Variants in SVEP1 observed in about 807,000 individuals in gnomAD.
SVEP1 encodes the protein sushi, von Willebrand factor type A, EGF and pentraxin domain-containing protein 1.
SVEP1 carries 164 observed loss-of-function variants against 367.3 expected under a neutral mutation model. That is an observed-to-expected ratio of 0.45 (90% CI 0.39 to 0.51). The LOEUF is 0.51. SVEP1 is among the 20% of genes least tolerant of loss of function. The pLI is 0.00. For missense variants in SVEP1, 4,117 were observed against 4,425.3 expected (o/e 0.93, Z 1.98); for synonymous variants, 1,666 against 1,611.6 (o/e 1.03, Z -0.81).
chr9:110,432,541 A>G lies in SVEP1; in HGVS notation c.5154T>C (p.Asn1718=), dbSNP rs1175373486. The part of the protein sequence containing the change: ...AGSTVTYQCN[N]GYYLLGDSRM... ...TTGAGTCACCCAATAGATAGTAGCCATTGTTGCACTGGTAGGTTACTGTGC... is the reference window on the plus strand; with the variant it reads ...TTGAGTCACCCAATAGATAGTAGCCGTTGTTGCACTGGTAGGTTACTGTGC... The change falls in exon 31 of 48, where the codon AAT becomes AAC. Residue 1718 remains asparagine, a synonymous_variant. Transcript: ENST00000374469. 1.9e-6 allele frequency: 3 copies of G among 1,613,894 alleles called. No individual in the cohort carries two copies. The highest frequency in any genetic ancestry group is 2.5e-6 in the Non-Finnish European group (3 of 1,179,824).
rs1830340302 is a variant in SVEP1, at chr9:110,555,159, C to CA, written c.532-5056dup. ...TACTGCTTCTTCTACAAGGTCACAG[C>CA]AGTTAACTGTAAGCAAGACATTAAA... On this transcript the variant is annotated intron_variant, in intron 1 of 47. Transcript: ENST00000374469. Among the ~76,000 whole-genome samples, 4 of 150,552 alleles carry CA rather than the reference C, an allele frequency of 2.7e-5. No homozygotes were observed. In the South Asian group the frequency reaches 8.4e-4, roughly 32 times the overall value.
Position 110,491,590 on chromosome 9 carries a change from G to GGTGTGTGTGTGTGTGT in SVEP1, c.1801-1827_1801-1812dup, listed in dbSNP as rs55905097. ...TAGCATTACATATTTTATAGAATGGGGTGTGTGTGTGTGTGTGTGTGTGTG... is the reference window on the plus strand; with the variant it reads ...TAGCATTACATATTTTATAGAATGGGGTGTGTGTGTGTGTGTGTGTGTGTGTGTGTGTGTGTGTGTG... On this transcript the variant is annotated intron_variant, in intron 8 of 47. Transcript: ENST00000374469. 9.5e-4 allele frequency among the ~76,000 whole-genome samples: 140 copies of GGTGTGTGTGTGTGTGT among 147,828 alleles called. 5 individuals carry two copies. The highest frequency in any genetic ancestry group is 2.3e-3 in the African/African-American group (93 of 40,040).
At chr9:110,478,341 C>T (rs1269842804) in intron 13 of SVEP1, among the ~76,000 whole-genome samples, 3 of 152,178 alleles carry the variant, frequency 2.0e-5, no homozygotes, top group Admixed American at 2.0e-4. Context: ...TCTATAAGCA[C>T]AGGGAGTTTT....
intron 13 of SVEP1, among the ~76,000 whole-genome samples, chr9:110,478,723 A>G (rs982237771): frequency 6.6e-6 from 1 of 152,118 alleles, no homozygotes; most frequent in African/African-American, 2.4e-5. Context: ...GTTTTTACCA[A>G]GTGTTTTTGA....
rs192860065 is a variant in SVEP1 at position 110,520,050 on chromosome 9, A to G, written c.965-5944T>C. ...AAATTATTTTTTAAAATAATGCTGC[A>G]TGAAAAGGACCTAATCTTATAGTAT... is the stretch of plus-strand genomic sequence containing the variant. On this transcript the variant is annotated intron_variant, in intron 3 of 47. Coordinates refer to ENST00000374469, the MANE Select transcript of SVEP1 (RefSeq NM_153366.4). Among the ~76,000 whole-genome samples the G allele has an allele frequency of 9.2e-5, 14 of 152,334 alleles. No homozygotes were observed. In the East Asian group the frequency reaches 2.7e-3, roughly 29 times the overall value.
chr9:110,366,640 A>G, intron 47 of SVEP1, 80 bp from the exon 48 acceptor site: 1 of 1,407,110 alleles, frequency 7.1e-7, no homozygotes, highest in South Asian at 1.4e-5. Context: ...TTAGGAGTTG[A>G]TGAAAACAGG....
intron 45 of SVEP1, among the ~76,000 whole-genome samples, chr9:110,376,346 CTT>C (rs765137287): frequency 1.3e-5 from 2 of 152,210 alleles, no homozygotes; most frequent in African/African-American, 4.8e-5. Context: ...TCTTTGGACT[CTT>C]GACATAAGGG....
intron 36 of SVEP1, among the ~76,000 whole-genome samples, chr9:110,414,824 G>A (rs1480261922): frequency 1.3e-5 from 2 of 151,692 alleles, no homozygotes; most frequent in Non-Finnish European, 2.9e-5. Flanking sequence ...AAGAACAACA[G>A]GAAGCATAAA....
Position 110,370,304 on chromosome 9 carries a change from T to A in SVEP1, c.10601-288A>T, listed in dbSNP as rs189855605. ...ATCACTCCAAGTCCACTGATTTTCCTCTTCTCTAATCTCTTTTAATTTATG... is the reference window on the plus strand; with the variant it reads ...ATCACTCCAAGTCCACTGATTTTCCACTTCTCTAATCTCTTTTAATTTATG... On this transcript the variant is annotated intron_variant, in intron 46 of 47. Coordinates refer to ENST00000374469, the MANE Select transcript of SVEP1 (RefSeq NM_153366.4). 3.9e-5 allele frequency among the ~76,000 whole-genome samples: 6 copies of A among 152,258 alleles called. No homozygotes were observed. The East Asian group carries it at 9.6e-4, about 24-fold the overall frequency.
intron 1 of SVEP1, among the ~76,000 whole-genome samples, chr9:110,561,407 T>C (rs1464885257): frequency 2.0e-5 from 3 of 152,194 alleles, no homozygotes; most frequent in African/African-American, 7.2e-5. Flanking sequence ...CAAGATACTC[T>C]ATGGCAGGAA....
At chr9:110,516,997 A>G (rs573924402) in intron 3 of SVEP1, among the ~76,000 whole-genome samples, 2 of 152,328 alleles carry the variant, frequency 1.3e-5, no homozygotes, top group African/African-American at 2.4e-5. Context: ...AATCAGATTG[A>G]TATTTCATTT....
rs561983992 is a variant in SVEP1 at position 110,490,609 on chromosome 9, T to A, written c.1801-830A>T. Among the ~76,000 whole-genome samples, 10 of 152,242 alleles carry A rather than the reference T, an allele frequency of 6.6e-5. No homozygotes were observed. The South Asian group carries it at 2.1e-3, about 32-fold the overall frequency. On this transcript the variant is annotated intron_variant, in intron 8 of 47. Transcript: ENST00000374469. Reference sequence around the variant, plus strand: ...CTTGGCTTATTTTGCTTATTTATTATTTCCTTGTAATAGAGTTCCATGAAC... The same window carrying A: ...CTTGGCTTATTTTGCTTATTTATTAATTCCTTGTAATAGAGTTCCATGAAC...
At chr9:110,540,319 T>C (rs1348038418) in intron 3 of SVEP1, among the ~76,000 whole-genome samples, 1 of 152,124 alleles carries the variant, frequency 6.6e-6, no homozygotes, top group Non-Finnish European at 1.5e-5. Flanking sequence ...ATTTAATAAC[T>C]AAACCCAGAA....
intron 14 of SVEP1, among the ~76,000 whole-genome samples, chr9:110,473,138 A>G (rs960623828): frequency 1.4e-5 from 2 of 144,900 alleles, no homozygotes; most frequent in African/African-American, 5.0e-5. Context: ...ATTGTTATGT[A>G]CTTTAGACAA....
chr9:110,373,235 A>G (rs1013069217), intron 46 of SVEP1, among the ~76,000 whole-genome samples: 1 of 152,236 alleles, frequency 6.6e-6, no homozygotes, highest in African/African-American at 2.4e-5. Flanking sequence ...AACAAACACT[A>G]TATAGACTGC....
Position 110,579,581 on chromosome 9 carries a change from G to C in SVEP1, c.-38C>G. ...AGAGCGGCTGCCCCGGAGCGCAGGC[G>C]GCGGCTCGGGCGGGAAGAGGCGCTG... On this transcript the variant is annotated 5_prime_UTR_variant, in exon 1 of 48. Coordinates refer to ENST00000374469, the MANE Select transcript of SVEP1 (RefSeq NM_153366.4). The surrounding 1 kb of genome is among the most constrained non-coding windows in gnomAD (Gnocchi z 5.3). The C allele has an allele frequency of 6.6e-7, 1 of 1,524,498 alleles. No individual in the cohort carries two copies. The highest frequency in any genetic ancestry group is 8.8e-7 in the Non-Finnish European group (1 of 1,141,560). 94.4% of individuals were successfully genotyped at this position (1,524,498 alleles called of 1,614,324 possible). A position where few individuals can be genotyped will look rare whatever the true frequency, so the allele number is the denominator to read the frequency against.
intron 44 of SVEP1, among the ~76,000 whole-genome samples, chr9:110,378,537 ATGCTGTAGGTTGCCTGTTCACTC>A (rs1827386303): frequency 1.3e-5 from 2 of 152,048 alleles, no homozygotes; most frequent in South Asian, 2.1e-4. Context: ...AATTTCCCCC[ATGCTGTAGGTTGCCTGTTCACTC>A]TGATGGTAGT....
intron 27 of SVEP1, among the ~76,000 whole-genome samples, chr9:110,441,741 G>A (rs1828512608): frequency 6.6e-6 from 1 of 152,178 alleles, no homozygotes; most frequent in Non-Finnish European, 1.5e-5. Flanking sequence ...TGCTGTCCCT[G>A]CACTGGGGAG....
intron 44 of SVEP1, 72 bp from the exon 45 acceptor site, chr9:110,377,438 C>T: frequency 1.5e-6 from 2 of 1,361,276 alleles, no homozygotes; most frequent in Non-Finnish European, 2.1e-6. Flanking sequence ...TAGAATTGCC[C>T]CTTTATATCT....
Sources: allele counts gnomAD v4.1 joint callset (sites outside exome capture counted in the v4.1 genomes callset), GRCh38; gene constraint gnomAD v4.1.1; non-coding constraint Gnocchi (gnomAD v3.1); transcripts MANE v1.5; gene names NCBI Gene and HGNC (gene_info 2026-07-23, HGNC 2026-07-21).